KLHDC4: variants seen among roughly 807,000 people sequenced by gnomAD.
KLHDC4 encodes kelch domain containing 4.
KLHDC4 carries 90 observed loss-of-function variants against 62.4 expected under a neutral mutation model. That is an observed-to-expected ratio of 1.44 (90% CI 1.22 to 1.72). KLHDC4 has a LOEUF of 1.72. KLHDC4 is among the 40% of genes most tolerant of loss of function. The pLI, the probability that KLHDC4 is intolerant of heterozygous loss-of-function variation, is 0.00. For missense variants in KLHDC4, 1,025 were observed against 699.7 expected (o/e 1.47, Z -5.25); for synonymous variants, 386 against 284.4 (o/e 1.36, Z -3.59).
intron 5 of KLHDC4, among the ~76,000 whole-genome samples, chr16:87,740,362 G>A (rs559793389): frequency 2.0e-5 from 3 of 152,306 alleles, no homozygotes; most frequent in East Asian, 1.9e-4. Flanking sequence ...GCAGCACAAC[G>A]GGAGATTGAC....
At chr16:87,754,924 C>A (rs561238850) in intron 4 of KLHDC4, among the ~76,000 whole-genome samples, 1 of 152,266 alleles carries the variant, frequency 6.6e-6, no homozygotes, top group South Asian at 2.1e-4. Context: ...AGCATTCTGC[C>A]AGTGGCTGCG....
intron 7 of KLHDC4, 122 bp from the exon 8 acceptor site, chr16:87,714,695 C>A: frequency 1.0e-6 from 1 of 978,464 alleles, no homozygotes; most frequent in Non-Finnish European, 1.6e-6. Context: ...AGACCAGCCC[C>A]AAAGCTCCAA....
intron 7 of KLHDC4, among the ~76,000 whole-genome samples, chr16:87,718,340 T>TCTC (rs2037471285): frequency 1.6e-4 from 3 of 18,252 alleles, no homozygotes; most frequent in African/African-American, 3.8e-4. Flanking sequence ...CCTCCCCCTC[T>TCTC]CCTCCCCCTC....
intron 5 of KLHDC4, among the ~76,000 whole-genome samples, chr16:87,737,670 C>T (rs1009493783): frequency 1.3e-5 from 2 of 151,508 alleles, no homozygotes; most frequent in African/African-American, 4.9e-5. Context: ...TCACTGCTAC[C>T]TCCACCTCCC....
At chr16:87,724,137 C>A (rs1429781266) in intron 7 of KLHDC4, among the ~76,000 whole-genome samples, 1 of 152,192 alleles carries the variant, frequency 6.6e-6, no homozygotes, top group Non-Finnish European at 1.5e-5. Context: ...TGTGCTCGGC[C>A]TAAAAAGCCT....
intron 2 of KLHDC4, among the ~76,000 whole-genome samples, chr16:87,758,357 G>C (rs897054386): frequency 1.3e-5 from 2 of 152,166 alleles, no homozygotes; most frequent in African/African-American, 2.4e-5. Flanking sequence ...ACCCACAGAC[G>C]GAACAGGATT....
chr16:87,714,396 C>T (rs1332016561), intron 8 of KLHDC4, 102 bp downstream of exon 8: 23 of 1,193,756 alleles, frequency 1.9e-5, no homozygotes, highest in Non-Finnish European at 2.3e-5. Flanking sequence ...GGGCAGGGTG[C>T]AGGGGCTCAC....
Position 87,708,365 on chromosome 16 carries a change from C to T in KLHDC4, c.1549G>A (p.Gly517Ser), listed in dbSNP as rs770598467. The T allele has an allele frequency of 5.0e-6, 8 of 1,607,026 alleles. No individual in the cohort carries two copies. The highest frequency in any genetic ancestry group is 1.1e-5 in the South Asian group (1 of 90,764). Residue 517 changes from glycine to serine, a missense_variant, in exon 11 of 12, where the codon GGT (glycine) becomes AGT (serine). Gly to Ser is a moderately conservative substitution (Grantham distance 56). Coordinates refer to ENST00000270583, the MANE Select transcript of KLHDC4 (RefSeq NM_017566.4). ...VDDEDSGEES[G>S]AED The stretch of plus-strand genomic sequence containing the variant: ...GCCCGCTCACCTCAGTCCTCCGCAC[C>T]GCTCTCCTCTCCGCTGTCTTCGTCG...
intron 9 of KLHDC4, chr16:87,710,538 G>A (rs925912527): frequency 6.6e-6 from 1 of 152,236 alleles, no homozygotes; most frequent in Non-Finnish European, 1.5e-5. Flanking sequence ...CACTAGCTGG[G>A]GTCAACACGC....
chr16:87,764,947 A>C (rs1388531641), intron 1 of KLHDC4: 2 of 357,592 alleles, frequency 5.6e-6, no homozygotes, highest in East Asian at 1.5e-4. Flanking sequence ...AAAGGGACAA[A>C]GGACTGTGGT....
intron 5 of KLHDC4, among the ~76,000 whole-genome samples, chr16:87,740,170 T>C (rs2042030113): frequency 1.3e-5 from 2 of 152,090 alleles, no homozygotes; most frequent in South Asian, 4.2e-4. Context: ...CTGGCTGTGA[T>C]GTGTGGCAGG....
At chr16:87,748,847 ACAG>A in intron 4 of KLHDC4, 38 bp from the exon 5 acceptor site, 1 of 1,609,158 alleles carries the variant, frequency 6.2e-7, no homozygotes, top group East Asian at 2.2e-5. Flanking sequence ...GCACAGCCAC[ACAG>A]CAGAAGGGCC....
chr16:87,721,683 G>C (rs1275933461), intron 7 of KLHDC4, among the ~76,000 whole-genome samples: 1 of 152,202 alleles, frequency 6.6e-6, no homozygotes, highest in Admixed American at 6.5e-5. Context: ...TATTCCAGGA[G>C]CTCAGCTCCC....
intron 8 of KLHDC4, 117 bp downstream of exon 8, chr16:87,714,353 CGAAATGAGCCATCTCGGCAGGCCCTCCG>C: frequency 3.0e-6 from 3 of 990,176 alleles, no homozygotes; most frequent in South Asian, 4.1e-5. Context: ...CGGCCCACCC[CGAAATGAGCCATCTCGGCAGGCCCTCCG>C]CTCCGGGCAG....
chr16:87,714,753 T>G (rs1458995543), intron 7 of KLHDC4, among the ~76,000 whole-genome samples, 180 bp from the exon 8 acceptor site: 1 of 152,082 alleles, frequency 6.6e-6, no homozygotes, highest in Non-Finnish European at 1.5e-5. Flanking sequence ...ACAGGCTTTA[T>G]CCCCCAAATG....
exon 1 of KLHDC4, chr16:87,702,122 T>C (rs1392450229): frequency 1.1e-5 from 5 of 455,912 alleles, no homozygotes; most frequent in Non-Finnish European, 2.2e-5. Context: ...GCTTCCCGCA[T>C]GATCGTGTGT....
In KLHDC4 at chr16:87,724,334, C is replaced by T. The variant is rs527394571; in HGVS notation, c.759+2431G>A. ...AGCTAAACAAGGTCTTCCTGTATCACAGACCGCAATAATCACAAAAGAAAA... is the reference window on the plus strand; with the variant it reads ...AGCTAAACAAGGTCTTCCTGTATCATAGACCGCAATAATCACAAAAGAAAA... On this transcript the variant is annotated intron_variant, in intron 7 of 11. Transcript: ENST00000270583. Among the ~76,000 whole-genome samples the T allele has an allele frequency of 2.0e-5, 3 of 152,308 alleles. No individual in the cohort carries two copies. In the East Asian group the frequency reaches 5.8e-4, roughly 29 times the overall value.
exon 1 of KLHDC4, chr16:87,699,409 C>G (rs901881112): frequency 6.6e-6 from 1 of 152,282 alleles, no homozygotes; most frequent in Non-Finnish European, 1.5e-5. Flanking sequence ...AAAAGCAGGG[C>G]AGGGCCGGGC....
At chr16:87,711,142 C>G (rs182214053) in intron 9 of KLHDC4, 93 bp downstream of exon 9, 45 of 1,373,444 alleles carry the variant, frequency 3.3e-5, no homozygotes, top group Non-Finnish European at 4.3e-5. Flanking sequence ...TTTGGGGGCC[C>G]CAATACCAAA....
Sources: allele counts gnomAD v4.1 joint callset (sites outside exome capture counted in the v4.1 genomes callset), GRCh38; gene constraint gnomAD v4.1.1; transcripts MANE v1.5; gene names NCBI Gene and HGNC (gene_info 2026-07-23, HGNC 2026-07-21).